Variants in PARD3 observed in about 807,000 individuals in gnomAD.
PARD3 encodes the protein par-3 family cell polarity regulator.
Under a neutral mutation model 155.4 loss-of-function variants are expected in PARD3, and 75 were observed. The observed-to-expected ratio is 0.48, with a 90% confidence interval of 0.40 to 0.58. The LOEUF (loss-of-function observed/expected upper bound fraction) is 0.58, where lower values mean the gene tolerates loss of function less well. Ranked by LOEUF, PARD3 falls within the 20% of genes least tolerant of loss-of-function variation. PARD3 has a pLI of 0.00. For missense variants in PARD3, 1,642 were observed against 1,721.7 expected (o/e 0.95, Z 0.82); for synonymous variants, 576 against 610.5 (o/e 0.94, Z 0.83).
intron 1 of PARD3, among the ~76,000 whole-genome samples, chr10:34,765,688 T>C (rs1838001011): frequency 6.6e-6 from 1 of 151,704 alleles, no homozygotes; most frequent in African/African-American, 2.4e-5. Context: ...AAAAAAAGAT[T>C]TGGGCTTCAT....
intron 20 of PARD3, among the ~76,000 whole-genome samples, chr10:34,311,559 G>A (rs978414287): frequency 3.3e-5 from 5 of 152,222 alleles, no homozygotes; most frequent in African/African-American, 1.2e-4. Context: ...TTGGATCTGT[G>A]ATTCGAACAC....
chr10:34,294,215 CTTTG>C (rs1254314136), intron 20 of PARD3, among the ~76,000 whole-genome samples: 2 of 152,178 alleles, frequency 1.3e-5, no homozygotes, highest in Non-Finnish European at 2.9e-5. Context: ...GTAAGGATAT[CTTTG>C]TTTGAGTTAT....
chr10:34,120,425 C>T (rs2132685895), intron 23 of PARD3, among the ~76,000 whole-genome samples: 1 of 151,722 alleles, frequency 6.6e-6, no homozygotes, highest in East Asian at 1.9e-4. Context: ...GATGTTAATG[C>T]CAAAAATAAA....
chr10:34,743,878 G>A (rs941094060), intron 1 of PARD3, among the ~76,000 whole-genome samples: 2 of 152,124 alleles, frequency 1.3e-5, no homozygotes, highest in Non-Finnish European at 2.9e-5. Context: ...GGCATGGTGG[G>A]TCCTCCCCTG....
intron 24 of PARD3, among the ~76,000 whole-genome samples, chr10:34,112,204 A>G (rs34935636): frequency 0.011 from 1,741 of 152,322 alleles, 25 homozygotes; most frequent in Admixed American, 0.05. Context: ...GATTGGACGG[A>G]GAGTCCGGAA....
intron 2 of PARD3, among the ~76,000 whole-genome samples, chr10:34,666,751 C>T (rs1347410360): frequency 1.5e-5 from 2 of 131,352 alleles, no homozygotes; most frequent in Admixed American, 1.7e-4. Context: ...GCATACAGAA[C>T]CTTCCACCTC....
intron 22 of PARD3, among the ~76,000 whole-genome samples, chr10:34,154,691 C>G (rs552008652): frequency 1.3e-5 from 2 of 152,090 alleles, no homozygotes; most frequent in Admixed American, 6.5e-5. Context: ...TCTCACGTTT[C>G]GAGAGAGAGA....
Position 34,657,271 on chromosome 10 carries a change from A to G in PARD3, c.222+39047T>C, listed in dbSNP as rs115674465. ...CAGAAAAGCCAGATCGAGAACATGC[A>G]CACTTTCAAACATTTCATAGTTCCT... On this transcript the variant is annotated intron_variant, in intron 2 of 24. Coordinates refer to ENST00000374788, the MANE Select transcript of PARD3 (RefSeq NM_001184785.2). Among the ~76,000 whole-genome samples, 442 of 152,242 alleles carry G rather than the reference A, an allele frequency of 2.9e-3. 1 individual carries two copies. The highest frequency in any genetic ancestry group is 9.4e-3 in the African/African-American group (389 of 41,562).
chr10:34,786,127 T>G (rs1158667577), intron 1 of PARD3, among the ~76,000 whole-genome samples: 1 of 152,212 alleles, frequency 6.6e-6, no homozygotes, highest in Non-Finnish European at 1.5e-5. Flanking sequence ...AAATCACATA[T>G]GAAATACAGA....
chr10:34,807,941 C>T (rs183027088), intron 1 of PARD3, among the ~76,000 whole-genome samples: 1 of 152,078 alleles, frequency 6.6e-6, no homozygotes, highest in African/African-American at 2.4e-5. Flanking sequence ...GACCTATACA[C>T]GAAAGTTATT....
intron 22 of PARD3, among the ~76,000 whole-genome samples, chr10:34,151,199 T>C (rs2132960302): frequency 6.6e-6 from 1 of 152,036 alleles, no homozygotes; most frequent in Middle Eastern, 3.4e-3. Context: ...CCTTATAATT[T>C]AGGACTATGA....
intron 3 of PARD3, among the ~76,000 whole-genome samples, chr10:34,513,968 A>T (rs2133589302): frequency 6.6e-6 from 1 of 152,314 alleles, no homozygotes; most frequent in African/African-American, 2.4e-5. Flanking sequence ...ATGATTAACT[A>T]AATCAGAGTT....
In PARD3 at chr10:34,257,239, A is replaced by T. The variant is rs550464288; in HGVS notation, c.3419+12418T>A. On this transcript the variant is annotated intron_variant, in intron 22 of 24. Transcript: ENST00000374788. ...CCAAGAAGTTGAAAATGCATCTCAC[A>T]ATGGGACTCCACATAAATCCTCATG... Among the ~76,000 whole-genome samples the T allele has an allele frequency of 1.5e-3, 226 of 152,344 alleles. 1 individual carries two copies. Among genetic ancestry groups the T allele is most frequent in the Non-Finnish European group, 2.1e-3 (143 of 68,018 alleles).
chr10:34,567,005 T>G (rs567960392), intron 2 of PARD3, among the ~76,000 whole-genome samples: 2 of 152,226 alleles, frequency 1.3e-5, no homozygotes, highest in Non-Finnish European at 2.9e-5. Flanking sequence ...TCTTTGACTA[T>G]AGTCACTTCC....
intron 22 of PARD3, among the ~76,000 whole-genome samples, chr10:34,231,664 C>A (rs918815680): frequency 1.3e-5 from 2 of 151,824 alleles, no homozygotes; most frequent in African/African-American, 4.9e-5. Context: ...TCTTGAAGCT[C>A]TCTTGCTTGT....
rs1423413245 is a variant in PARD3, at chr10:34,760,525, GT to G, written c.120+54350del. On this transcript the variant is annotated intron_variant, in intron 1 of 24. Coordinates refer to ENST00000374788, the MANE Select transcript of PARD3 (RefSeq NM_001184785.2). ...TTTTGTATCTTTAATAGAGAAGATCGTTTCACCTTGTTGGCCAGGCTTTCTA... is the reference window on the plus strand; with the variant it reads ...TTTTGTATCTTTAATAGAGAAGATCGTTCACCTTGTTGGCCAGGCTTTCTA... 5.3e-5 allele frequency among the ~76,000 whole-genome samples: 8 copies of G among 152,046 alleles called. No homozygotes were observed. The South Asian group carries it at 1.2e-3, about 24-fold the overall frequency.
chr10:34,398,063 A>G (rs1448715741), intron 7 of PARD3, among the ~76,000 whole-genome samples: 1 of 152,208 alleles, frequency 6.6e-6, no homozygotes, highest in Non-Finnish European at 1.5e-5. Flanking sequence ...TAAAAAGTAA[A>G]AGCAGCCACA....
chr10:34,249,554 G>A (rs969100704), intron 22 of PARD3, among the ~76,000 whole-genome samples: 1 of 152,032 alleles, frequency 6.6e-6, no homozygotes, highest in Admixed American at 6.6e-5. Context: ...ATTCCAGTCC[G>A]TGCTGGGTAT....
intron 1 of PARD3, among the ~76,000 whole-genome samples, chr10:34,719,023 A>G (rs2094564648): frequency 6.6e-6 from 1 of 152,222 alleles, no homozygotes; most frequent in Non-Finnish European, 1.5e-5. Context: ...AACCAGGGAA[A>G]CAGCCTAGAA....
Sources: allele counts gnomAD v4.1 joint callset (sites outside exome capture counted in the v4.1 genomes callset), GRCh38; gene constraint gnomAD v4.1.1; transcripts MANE v1.5; gene names NCBI Gene and HGNC (gene_info 2026-07-23, HGNC 2026-07-21).